ZGRF1: variants seen among roughly 807,000 people sequenced by gnomAD.
The protein encoded by ZGRF1 is 5'-3' DNA helicase ZGRF1.
Under a neutral mutation model 203.5 loss-of-function variants are expected in ZGRF1, and 196 were observed. The ratio of observed to expected loss-of-function variants is 0.96; its 90% confidence interval spans 0.86 to 1.08. The LOEUF is 1.08. ZGRF1 is among the 50% of genes least tolerant of loss of function. The probability of loss-of-function intolerance (pLI) is 0.00; values close to 1 mark genes in which losing one functional copy is unlikely to be tolerated. For synonymous variants in ZGRF1, 809 were observed against 841.3 expected, an observed-to-expected ratio of 0.96 and a Z score of 0.66; for missense variants, 2,326 against 2,416.3, an observed-to-expected ratio of 0.96 and a Z score of 0.78.
chr4:112,615,888 G>A (rs188165419), intron 6 of ZGRF1, among the ~76,000 whole-genome samples: 12 of 151,964 alleles, frequency 7.9e-5, no homozygotes, highest in Admixed American at 1.3e-4. Flanking sequence ...ACCCGCCTCT[G>A]CCTCCCAAAG....
At chr4:112,609,666 G>C (rs1264735564) in intron 7 of ZGRF1, among the ~76,000 whole-genome samples, 1 of 151,800 alleles carries the variant, frequency 6.6e-6, no homozygotes, top group African/African-American at 2.4e-5. Context: ...AACTAGCCGG[G>C]TGTGGTGGCA....
chr4:112,564,922 C>T (rs1353027052), intron 16 of ZGRF1: 1 of 713,000 alleles, frequency 1.4e-6, no homozygotes, highest in South Asian at 1.6e-5. Flanking sequence ...CCAACGCCAG[C>T]GCCGCCTGTC....
rs772517637 is a variant in ZGRF1, at chr4:112,633,144, G to A, written c.21+12C>T. ...GGAATTTCACCAAACTGTGAAAAAT[G>A]GTAAAACTTACAATAAATTCTTGGC... On this transcript the variant is annotated intron_variant, in intron 2 of 27. Transcript: ENST00000505019. 4 of 1,607,060 alleles carry A rather than the reference G, an allele frequency of 2.5e-6. No individual in the cohort carries two copies. Among genetic ancestry groups the A allele is most frequent in the African/African-American group, 2.7e-5 (2 of 74,722 alleles).
chr4:112,603,724 A>G, intron 9 of ZGRF1, 27 bp from the exon 10 acceptor site: 1 of 1,561,112 alleles, frequency 6.4e-7, no homozygotes, highest in East Asian at 2.2e-5. Context: ...AAAAATAAGA[A>G]CTGCATAACT....
In ZGRF1 at chr4:112,618,611, T is replaced by C. The variant is rs1272819872; in HGVS notation, c.1431A>G (p.Ser477=). The C allele has an allele frequency of 3.7e-6, 6 of 1,613,448 alleles. No individual in the cohort carries two copies. Among genetic ancestry groups the C allele is most frequent in the African/African-American group, 1.3e-5 (1 of 74,932 alleles). ...TLEKEYEQSE[S]SLPELKHLQI... ...GGAGATGTTTCAGTTCTGGCAGAGA[T>C]GACTCTGATTGTTCATACTCCTTTT... Residue 477 remains serine, a synonymous_variant, in exon 6 of 28, where the codon TCA becomes TCG. Coordinates refer to ENST00000505019, the MANE Select transcript of ZGRF1 (RefSeq NM_018392.5).
rs1747442357 is a variant in ZGRF1 at position 112,587,667 on chromosome 4, C to T, written c.3390G>A (p.Val1130=). The change falls in exon 12 of 28, where the codon GTG becomes GTA. Residue 1130 remains valine (V), a synonymous_variant. Transcript: ENST00000505019. Reference sequence around the variant, plus strand: ...TATTAAGTGAAACATCCCCTGGATTCACTTCCCTAGATTCTTCAGAGAAAA... The same window carrying T: ...TATTAAGTGAAACATCCCCTGGATTTACTTCCCTAGATTCTTCAGAGAAAA... The part of the protein sequence containing the change: ...ETFFSEESRE[V]NPGDVSLNNI... 2 of 1,613,356 alleles carry T rather than the reference C, an allele frequency of 1.2e-6. No homozygotes were observed. Among genetic ancestry groups the T allele is most frequent in the South Asian group, 2.2e-5 (2 of 91,060 alleles).
chr4:112,558,095 C>G (rs1578709997), intron 20 of ZGRF1, 55 bp downstream of exon 20: 1 of 1,485,960 alleles, frequency 6.7e-7, no homozygotes, highest in East Asian at 2.4e-5. Flanking sequence ...AGTGGGTTGC[C>G]TCTCTCAACA....
intron 8 of ZGRF1, among the ~76,000 whole-genome samples, chr4:112,608,603 A>G (rs1471881456): frequency 6.6e-6 from 1 of 152,176 alleles, no homozygotes; most frequent in Non-Finnish European, 1.5e-5. Flanking sequence ...CTGGGCGACA[A>G]GAGTGAAACT....
At chr4:112,553,780 A>G (rs1023705810) in intron 22 of ZGRF1, 55 bp downstream of exon 22, 1 of 1,441,334 alleles carries the variant, frequency 6.9e-7, no homozygotes, top group Non-Finnish European at 9.4e-7. Context: ...CAGAAATAAG[A>G]GAATCTGAAT....
At chr4:112,619,798 G>T in intron 5 of ZGRF1, 108 bp from the exon 6 acceptor site, 1 of 1,023,708 alleles carries the variant, frequency 9.8e-7, no homozygotes, top group Non-Finnish European at 1.4e-6. Context: ...TTTGCCTAAG[G>T]TAAAGTAATA....
rs773389049 is a variant in ZGRF1, at chr4:112,617,945, A to G, written c.2097T>C (p.Ala699=). Reference sequence around the variant, plus strand: ...CTTCTGAAAATAGATTACTGTTTTCAGCAATCTGGTTTTGAATATGAGGAA... The same window carrying G: ...CTTCTGAAAATAGATTACTGTTTTCGGCAATCTGGTTTTGAATATGAGGAA... ...LHIPHIQNQI[A]ENSNLFSEDA... Residue 699 remains alanine, a synonymous_variant, in exon 6 of 28, where the codon GCT becomes GCC. Coordinates refer to ENST00000505019, the MANE Select transcript of ZGRF1 (RefSeq NM_018392.5). 71 of 1,613,320 alleles carry G rather than the reference A, an allele frequency of 4.4e-5. No homozygotes were observed. Among genetic ancestry groups the G allele is most frequent in the Non-Finnish European group, 5.8e-5 (68 of 1,179,956 alleles).
At chr4:112,605,090 T>C (rs540606487) in intron 9 of ZGRF1, among the ~76,000 whole-genome samples, 2 of 152,258 alleles carry the variant, frequency 1.3e-5, no homozygotes, top group South Asian at 2.1e-4. Context: ...TTAAAGATTC[T>C]GTATATTTCT....
rs34363128 is a variant in ZGRF1, at chr4:112,582,288, C to CTT, written c.4299-488_4299-487dup. Among the ~76,000 whole-genome samples the CTT allele has an allele frequency of 5.2e-3, 746 of 142,108 alleles. 13 individuals carry two copies. The highest frequency in any genetic ancestry group is 0.017 in the African/African-American group (662 of 38,606). 93.2% of individuals were successfully genotyped at this position (142,108 alleles called of 152,430 possible). ...TAACTATAATTTCCCTACTGTATTC[C>CTT]TTTTTTTTTTTTTTTTAACACTTTA... On this transcript the variant is annotated intron_variant, in intron 15 of 27. Transcript: ENST00000505019.
chr4:112,558,087 T>G, intron 20 of ZGRF1, 63 bp downstream of exon 20: 6 of 1,365,402 alleles, frequency 4.4e-6, no homozygotes, highest in Non-Finnish European at 6.1e-6. Context: ...GGGCCCATAG[T>G]GGGTTGCCTC....
chr4:112,613,403 A>G (rs1458639187), intron 6 of ZGRF1, among the ~76,000 whole-genome samples: 1 of 152,198 alleles, frequency 6.6e-6, no homozygotes. Context: ...CTCAACAATT[A>G]TTTTCCAAGT....
chr4:112,612,738 AG>A (rs1300514509), intron 6 of ZGRF1, 150 bp from the exon 7 acceptor site: 5 of 553,686 alleles, frequency 9.0e-6, no homozygotes, highest in Non-Finnish European at 1.6e-5. Flanking sequence ...GTAGCACTTG[AG>A]GATTCACTGT....
intron 20 of ZGRF1, among the ~76,000 whole-genome samples, chr4:112,555,998 C>T (rs1165263929): frequency 6.6e-6 from 1 of 151,032 alleles, no homozygotes; most frequent in African/African-American, 2.4e-5. Context: ...GTTAAATTTT[C>T]ACTTTGGGCT....
At chr4:112,571,822 G>T (rs12503100) in intron 16 of ZGRF1, among the ~76,000 whole-genome samples, 23,975 of 152,166 alleles carry the variant, frequency 0.16, 2,178 homozygotes, top group East Asian at 0.42. Flanking sequence ...ACCAAGAACA[G>T]CCAGGTCACA....
intron 4 of ZGRF1, 83 bp from the exon 5 acceptor site, chr4:112,620,273 C>G: frequency 1.0e-6 from 1 of 971,174 alleles, no homozygotes; most frequent in Non-Finnish European, 1.5e-6. Flanking sequence ...CACTAAGACA[C>G]AATGGGTGTT....
Sources: allele counts gnomAD v4.1 joint callset (sites outside exome capture counted in the v4.1 genomes callset), GRCh38; gene constraint gnomAD v4.1.1; transcripts MANE v1.5; gene names NCBI Gene and HGNC (gene_info 2026-07-23, HGNC 2026-07-21).